The following PIK3R5 variants were observed in gnomAD, a reference collection of about 807,000 sequenced individuals.
The protein encoded by PIK3R5 is phosphoinositide-3-kinase regulatory subunit 5.
A neutral mutation model predicts 94.9 loss-of-function variants in PIK3R5; 32 were observed. That is an observed-to-expected ratio of 0.34 (90% confidence interval 0.25 to 0.45). The LOEUF (loss-of-function observed/expected upper bound fraction) is 0.45. PIK3R5 is among the 20% of genes least tolerant of loss of function. PIK3R5 has a pLI of 1.00. For missense variants in PIK3R5, 853 were observed against 1,144.6 expected, an observed-to-expected ratio of 0.75 and a Z score of 3.68; for synonymous variants, 443 against 479.4, an observed-to-expected ratio of 0.92 and a Z score of 0.99.
chr17:8,928,598 T>A (rs2151438307), intron 1 of PIK3R5, among the ~76,000 whole-genome samples: 1 of 152,326 alleles, frequency 6.6e-6, no homozygotes, highest in South Asian at 2.1e-4. Flanking sequence ...GGAAGTGGAA[T>A]AACATATTCT....
chr17:8,895,327 C>T (rs539205204), intron 5 of PIK3R5, among the ~76,000 whole-genome samples: 2 of 152,290 alleles, frequency 1.3e-5, no homozygotes, highest in Non-Finnish European at 2.9e-5. Context: ...ACCCACACCC[C>T]GCTGACCCCA....
chr17:8,925,463 T>C lies in PIK3R5; in HGVS notation c.-13-13956A>G, dbSNP rs984821868. 1.1e-4 allele frequency among the ~76,000 whole-genome samples: 16 copies of C among 139,912 alleles called. 1 individual carries two copies. The highest frequency in any genetic ancestry group is 3.8e-4 in the African/African-American group (15 of 39,596). The allele number at this position is 139,912 out of a possible 152,430, so 91.8% of individuals were successfully genotyped here. On this transcript the variant is annotated intron_variant, in intron 1 of 18. Coordinates refer to ENST00000447110, the MANE Select transcript of PIK3R5 (RefSeq NM_001142633.3). The surrounding 1 kb of genome is among the most constrained non-coding windows in gnomAD (Gnocchi z 5.1). ...AGATAGTAGATGGATAGATAGTAGA[T>C]GGATGATAGATAGATAGTAGATGGA...
intron 1 of PIK3R5, among the ~76,000 whole-genome samples, chr17:8,942,963 TACACACAC>T (rs112851950): frequency 3.4e-5 from 5 of 149,066 alleles, no homozygotes; most frequent in African/African-American, 1.2e-4. Flanking sequence ...GATCACGTCA[TACACACAC>T]ACACACACAC....
intron 1 of PIK3R5, among the ~76,000 whole-genome samples, chr17:8,926,825 A>C (rs2090892742): frequency 6.6e-6 from 1 of 152,162 alleles, no homozygotes; most frequent in African/African-American, 2.4e-5. Context: ...TGGGAGGTAA[A>C]AATAGGAATA....
Position 8,909,941 on chromosome 17 carries a change from C to G in PIK3R5, c.104-767G>C, listed in dbSNP as rs554285325. 5.3e-5 allele frequency among the ~76,000 whole-genome samples: 8 copies of G among 152,328 alleles called. No homozygotes were observed. The highest frequency in any genetic ancestry group is 2.1e-4 in the South Asian group (1 of 4,818). On this transcript the variant is annotated intron_variant, in intron 2 of 18. Transcript: ENST00000447110. This position sits in a 1 kb window ranked among gnomAD's most constrained non-coding sequence, Gnocchi z 4.3. Reference sequence around the variant, plus strand: ...GACGCAAGACTGAGTCTACAGCAGCCATGGAGCTTCCCAGGAATGGCAATG... The same window carrying G: ...GACGCAAGACTGAGTCTACAGCAGCGATGGAGCTTCCCAGGAATGGCAATG...
In PIK3R5 at chr17:8,893,175, G is replaced by A. The variant is rs926671204; in HGVS notation, c.482+411C>T. Reference sequence around the variant, plus strand: ...ACACTGTTTTAGTAACAGACAGAAGGAGATTGTGGAAATATCATGGGCTTC... The same window carrying A: ...ACACTGTTTTAGTAACAGACAGAAGAAGATTGTGGAAATATCATGGGCTTC... On this transcript the variant is annotated intron_variant, in intron 6 of 18. Coordinates refer to ENST00000447110, the MANE Select transcript of PIK3R5 (RefSeq NM_001142633.3). The surrounding 1 kb of genome is among the most constrained non-coding windows in gnomAD (Gnocchi z 5.1). Among the ~76,000 whole-genome samples, 5 of 152,032 alleles carry A rather than the reference G, an allele frequency of 3.3e-5. No homozygotes were observed. The highest frequency in any genetic ancestry group is 7.3e-5 in the Non-Finnish European group (5 of 68,028).
In PIK3R5 at chr17:8,886,539, T is replaced by G; in HGVS notation, c.1972A>C (p.Met658Leu). 1 of 1,612,582 alleles carries G rather than the reference T, an allele frequency of 6.2e-7. No homozygotes were observed. The highest frequency in any genetic ancestry group is 1.1e-5 in the South Asian group (1 of 90,858). ...GCAAAGCGGCAGTAGTAGAGTAGCA[T>G]GTCAGCCAGGATGGGCAGCTGGGTT... ...SPTQLPILADMLLYYCRFAAR... is the reference protein window; with the variant it reads ...SPTQLPILADLLLYYCRFAAR... The change falls in exon 13 of 19, where the codon ATG becomes CTG. Residue 658 changes from methionine (M) to leucine (L), a missense_variant. Physicochemically the swap from Met to Leu is conservative, Grantham distance 15. Transcript: ENST00000447110.
chr17:8,882,161 T>C lies in PIK3R5; in HGVS notation c.2206-280A>G. On this transcript the variant is annotated intron_variant, in intron 15 of 18. Coordinates refer to ENST00000447110, the MANE Select transcript of PIK3R5 (RefSeq NM_001142633.3). This position sits in a 1 kb window ranked among gnomAD's most constrained non-coding sequence, Gnocchi z 4.1. ...TGCAGGGGTGGTCCTGAAGCTCTCC[T>C]GCCGGGCCCAGAGTGAAGAAGGGTT... 1 of 451,208 alleles carries C rather than the reference T, an allele frequency of 2.2e-6. No homozygotes were observed. Among genetic ancestry groups the C allele is most frequent in the Non-Finnish European group, 4.0e-6 (1 of 247,292 alleles). The allele number at this position is 451,208 out of a possible 1,614,324, so 28.0% of individuals were successfully genotyped here. A position where few individuals can be genotyped will look rare whatever the true frequency, so the allele number is the denominator to read the frequency against.
intron 5 of PIK3R5, among the ~76,000 whole-genome samples, chr17:8,900,318 C>G (rs1460397623): frequency 6.6e-6 from 1 of 152,164 alleles, no homozygotes; most frequent in East Asian, 1.9e-4. Context: ...TTCTTGGATC[C>G]TCCTTTAAGC....
intron 1 of PIK3R5, among the ~76,000 whole-genome samples, chr17:8,926,091 G>A (rs2090878393): frequency 6.6e-6 from 1 of 152,204 alleles, no homozygotes; most frequent in African/African-American, 2.4e-5. Flanking sequence ...TGAGCAGGAG[G>A]AGAACACGAT....
rs139141181 is a variant in PIK3R5, at chr17:8,935,910, C to G, written c.-13-24403G>C. Among the ~76,000 whole-genome samples the G allele has an allele frequency of 6.6e-6, 1 of 151,912 alleles. No homozygotes were observed. The highest frequency in any genetic ancestry group is 1.5e-5 in the Non-Finnish European group (1 of 67,962). On this transcript the variant is annotated intron_variant, in intron 1 of 18. Coordinates refer to ENST00000447110, the MANE Select transcript of PIK3R5 (RefSeq NM_001142633.3). The surrounding 1 kb of genome is among the most constrained non-coding windows in gnomAD (Gnocchi z 4.5). ...TCTACTAAAAATACAAAAAATTAGCCGGGCGTGGTGGCGGGCACCTGTAGT... is the reference window on the plus strand; with the variant it reads ...TCTACTAAAAATACAAAAAATTAGCGGGGCGTGGTGGCGGGCACCTGTAGT...
rs775138766 is a variant in PIK3R5 at position 8,904,937 on chromosome 17, A to G, written c.274-22T>C. 6.2e-7 allele frequency: 1 copy of G among 1,609,666 alleles called. No homozygotes were observed. Among genetic ancestry groups the G allele is most frequent in the East Asian group, 2.2e-5 (1 of 44,878 alleles). On this transcript the variant is annotated intron_variant, in intron 4 of 18. Transcript: ENST00000447110. This position sits in a 1 kb window ranked among gnomAD's most constrained non-coding sequence, Gnocchi z 5.1. The stretch of plus-strand genomic sequence containing the variant: ...GTGTCTAGGATGGAGGCAGGCAACA[A>G]GCAAAGAGATCTAGGTGAGAAAAGG...
chr17:8,886,663 A>C, intron 12 of PIK3R5, 58 bp from the exon 13 acceptor site: 1 of 1,520,062 alleles, frequency 6.6e-7, no homozygotes, highest in Non-Finnish European at 8.8e-7. Context: ...GATGGTAAGA[A>C]GGAGCAAGAA....
chr17:8,892,202 C>T lies in PIK3R5; in HGVS notation c.483-1290G>A, dbSNP rs1243106970. 1.2e-4 allele frequency among the ~76,000 whole-genome samples: 19 copies of T among 152,196 alleles called. No homozygotes were observed. Among genetic ancestry groups the T allele is most frequent in the Admixed American group, 6.5e-4 (10 of 15,298 alleles). ...TCCACACTCTGGGGACGTCGGTGCC[C>T]GGGGACAGGGCAGAGACAGGACTAG... On this transcript the variant is annotated intron_variant, in intron 6 of 18. Transcript: ENST00000447110. This position sits in a 1 kb window ranked among gnomAD's most constrained non-coding sequence, Gnocchi z 4.3.
chr17:8,949,815 G>A (rs1444961394), intron 1 of PIK3R5, among the ~76,000 whole-genome samples: 4 of 152,106 alleles, frequency 2.6e-5, no homozygotes, highest in African/African-American at 9.7e-5. Flanking sequence ...TAGGTACAAC[G>A]TACACTGCAC....
chr17:8,965,422 C>A lies in PIK3R5; in HGVS notation c.-14+174G>T, dbSNP rs2428075. On this transcript the variant is annotated intron_variant, in intron 1 of 18. Coordinates refer to ENST00000447110, the MANE Select transcript of PIK3R5 (RefSeq NM_001142633.3). Reference sequence around the variant, plus strand: ...GGAGCGCAGGTTTGCAGACCCGCTGCCCCCGCGGTGGGCCAGGTCCACGGG... The same window carrying A: ...GGAGCGCAGGTTTGCAGACCCGCTGACCCCGCGGTGGGCCAGGTCCACGGG... 0.24 allele frequency among the ~76,000 whole-genome samples: 36,706 copies of A among 152,166 alleles called. 5,837 individuals carry two copies. The highest frequency in any genetic ancestry group is 0.36 in the Non-Finnish European group (24,342 of 67,920).
At chr17:8,941,225 A>G (rs940461332) in intron 1 of PIK3R5, among the ~76,000 whole-genome samples, 3 of 152,134 alleles carry the variant, frequency 2.0e-5, no homozygotes, top group African/African-American at 7.2e-5. Context: ...GGCAGAGAGT[A>G]GGGAGGCAGG....
chr17:8,946,477 C>T lies in PIK3R5; in HGVS notation c.-14+19119G>A, dbSNP rs558243723. On this transcript the variant is annotated intron_variant, in intron 1 of 18. Coordinates refer to ENST00000447110, the MANE Select transcript of PIK3R5 (RefSeq NM_001142633.3). ...ACCTAAGAAAACTACTATGAGACAG[C>T]ACCATCCATAAGGCATCCAAGATAA... Among the ~76,000 whole-genome samples the T allele has an allele frequency of 2.0e-5, 3 of 151,844 alleles. No homozygotes were observed. In the East Asian group the frequency reaches 5.8e-4, roughly 29 times the overall value.
chr17:8,946,888 C>T (rs1453092234), intron 1 of PIK3R5, among the ~76,000 whole-genome samples: 1 of 152,126 alleles, frequency 6.6e-6, no homozygotes, highest in Non-Finnish European at 1.5e-5. Context: ...CGGCTGCCTC[C>T]TGCCTTACTT....
Sources: allele counts gnomAD v4.1 joint callset (sites outside exome capture counted in the v4.1 genomes callset), GRCh38; gene constraint gnomAD v4.1.1; non-coding constraint Gnocchi (gnomAD v3.1); transcripts MANE v1.5; gene names NCBI Gene and HGNC (gene_info 2026-07-23, HGNC 2026-07-21).